GRB2: variants seen among roughly 807,000 people sequenced by gnomAD.
The protein encoded by GRB2 is growth factor receptor-bound protein 2.
Under a neutral mutation model 27.4 loss-of-function variants are expected in GRB2, and 2 were observed. That is an observed-to-expected ratio of 0.07 (90% CI 0.03 to 0.23). GRB2 has a LOEUF of 0.23. GRB2 is among the 10% of genes least tolerant of loss of function. The probability of loss-of-function intolerance (pLI) is 1.00; values close to 1 mark genes in which losing one functional copy is unlikely to be tolerated. For missense variants in GRB2, 102 were observed against 282.4 expected, an observed-to-expected ratio of 0.36 and a Z score of 4.58; for synonymous variants, 94 against 99.6, an observed-to-expected ratio of 0.94 and a Z score of 0.33.
In GRB2 at chr17:75,382,988, C is replaced by T. The variant is rs568052851; in HGVS notation, c.78+10563G>A. ...CCTCCCAAAGTGCTGGGATTACAGG[C>T]GTGAGCCACTGCGCCCAGCCGGCAT... is the stretch of plus-strand genomic sequence containing the variant. On this transcript the variant is annotated intron_variant, in intron 2 of 5. Coordinates refer to ENST00000316804, the MANE Select transcript of GRB2 (RefSeq NM_002086.5). Among the ~76,000 whole-genome samples the T allele has an allele frequency of 1.2e-4, 19 of 152,234 alleles. No individual in the cohort carries two copies. The South Asian group carries it at 1.5e-3, about 12-fold the overall frequency.
Position 75,385,048 on chromosome 17 carries a change from A to AGC in GRB2, c.78+8502_78+8503insGC, listed in dbSNP as rs1257758090. ...CTCTACCAAAAAAAAAAAAAAAAAAAAAAAAAAAAAGCAAACAAACAAACA... is the reference window on the plus strand; with the variant it reads ...CTCTACCAAAAAAAAAAAAAAAAAAAGCAAAAAAAAAAGCAAACAAACAAACA... On this transcript the variant is annotated intron_variant, in intron 2 of 5. Coordinates refer to ENST00000316804, the MANE Select transcript of GRB2 (RefSeq NM_002086.5). 1.9e-3 allele frequency among the ~76,000 whole-genome samples: 164 copies of AGC among 86,958 alleles called. 3 individuals carry two copies. In the South Asian group the frequency reaches 0.033, roughly 18 times the overall value. 57.0% of individuals were successfully genotyped at this position (86,958 alleles called of 152,430 possible).
chr17:75,404,027 C>A (rs909291158), intron 1 of GRB2, among the ~76,000 whole-genome samples: 1 of 151,678 alleles, frequency 6.6e-6, no homozygotes, highest in Non-Finnish European at 1.5e-5. Flanking sequence ...GCAGGAGAAT[C>A]GCTTGAACCC....
intron 2 of GRB2, among the ~76,000 whole-genome samples, chr17:75,334,393 G>A (rs1037525937): frequency 2.6e-5 from 4 of 151,828 alleles, no homozygotes; most frequent in African/African-American, 4.8e-5. Flanking sequence ...GGATGGTCTC[G>A]ATCTCCTGAC....
intron 3 of GRB2, among the ~76,000 whole-genome samples, chr17:75,328,501 G>A (rs1276815345): frequency 6.0e-5 from 9 of 150,752 alleles, no homozygotes; most frequent in East Asian, 2.0e-4. Flanking sequence ...TTAGCAAGGC[G>A]CGGTGGCGCA....
intron 3 of GRB2, among the ~76,000 whole-genome samples, chr17:75,327,073 C>CTTTT (rs66526663): frequency 1.5e-5 from 2 of 135,814 alleles, no homozygotes; most frequent in Non-Finnish European, 1.5e-5. Flanking sequence ...CATATCTTTT[C>CTTTT]TTTTTTTTTT....
chr17:75,393,042 T>C (rs538295875), intron 2 of GRB2, among the ~76,000 whole-genome samples: 2 of 152,334 alleles, frequency 1.3e-5, no homozygotes, highest in South Asian at 4.1e-4. Flanking sequence ...AAAAATACAC[T>C]GAAGTTCTTT....
chr17:75,329,944 C>T (rs946031191), intron 3 of GRB2, among the ~76,000 whole-genome samples: 1 of 152,144 alleles, frequency 6.6e-6, no homozygotes, highest in African/African-American at 2.4e-5. Context: ...ATGATATGTA[C>T]ATGTGACTAC....
intron 4 of GRB2, among the ~76,000 whole-genome samples, chr17:75,324,137 C>CA (rs532095423): frequency 6.0e-4 from 89 of 147,220 alleles, no homozygotes; most frequent in African/African-American, 1.8e-3. Context: ...ATCTACGTTT[C>CA]AAAAAAAAAA....
chr17:75,389,246 A>C (rs1169748976), intron 2 of GRB2, among the ~76,000 whole-genome samples: 1 of 152,030 alleles, frequency 6.6e-6, no homozygotes, highest in Non-Finnish European at 1.5e-5. Context: ...CAAACACAAC[A>C]AGCACAAGTT....
chr17:75,343,374 C>T (rs4300682), intron 2 of GRB2, among the ~76,000 whole-genome samples: 134,774 of 152,140 alleles, frequency 0.89, 60,542 homozygotes, highest in Non-Finnish European at 0.96. Context: ...AGCAACTAGG[C>T]TGATGGAGAA....
At position 75,324,557 on chromosome 17, in the gene GRB2, G is replaced by A. The variant is rs143998098; in HGVS notation, c.299+1341C>T. Among the ~76,000 whole-genome samples the A allele has an allele frequency of 9.5e-4, 107 of 112,804 alleles. 3 individuals are homozygous for A. The East Asian group carries it at 0.03, about 32-fold the overall frequency. 74.0% of individuals were successfully genotyped at this position (112,804 alleles called of 152,430 possible). On this transcript the variant is annotated intron_variant, in intron 4 of 5. Transcript: ENST00000316804. ...TTTTGGAGACAGAGTTTTGCTCTTC[G>A]CCCAGGCTAAAGTGCAATGGCGCCA...
At chr17:75,324,507 G>GTTTTTTTTTTTTTTTT (rs767194304) in intron 4 of GRB2, among the ~76,000 whole-genome samples, 2 of 36,704 alleles carry the variant, frequency 5.4e-5, no homozygotes, top group Non-Finnish European at 1.1e-4. Context: ...ACCGCACCCA[G>GTTTTTTTTTTTTTTTT]TTTTTTTTTT....
chr17:75,401,441 G>A (rs2079063265), intron 1 of GRB2, among the ~76,000 whole-genome samples: 2 of 104,404 alleles, frequency 1.9e-5, no homozygotes, highest in Admixed American at 1.5e-4. Context: ...GACAGAGCGA[G>A]ACTCCGTCTC....
At chr17:75,356,422 C>T (rs962495550) in intron 2 of GRB2, among the ~76,000 whole-genome samples, 14 of 152,192 alleles carry the variant, frequency 9.2e-5, no homozygotes, top group African/African-American at 2.4e-4. Flanking sequence ...GCAGGAGGAT[C>T]GCTTGAGCCC....
At chr17:75,405,164 G>C (rs1396988087) in intron 1 of GRB2, 1 of 152,234 alleles carries the variant, frequency 6.6e-6, no homozygotes, top group Non-Finnish European at 1.5e-5. Flanking sequence ...AGACTGACTC[G>C]GTCGGCGTTC....
At chr17:75,340,682 A>G (rs2078614783) in intron 2 of GRB2, among the ~76,000 whole-genome samples, 1 of 152,212 alleles carries the variant, frequency 6.6e-6, no homozygotes, top group Non-Finnish European at 1.5e-5. Flanking sequence ...AACTTCCCTT[A>G]GTATGGATAA....
At position 75,320,681 on chromosome 17, in the gene GRB2, C is replaced by T. The variant is rs1481200181; in HGVS notation, c.469-128G>A. 1.5e-6 allele frequency: 1 copy of T among 663,012 alleles called. No homozygotes were observed. Among genetic ancestry groups the T allele is most frequent in the African/African-American group, 1.8e-5 (1 of 55,436 alleles). 41.1% of individuals were successfully genotyped at this position (663,012 alleles called of 1,614,324 possible). A position where few individuals can be genotyped will look rare whatever the true frequency, so the allele number is the denominator to read the frequency against. ...TCTCCATGTTTCTTAAACTCACCTC[C>T]CATCTCCCAACCCCCCGTTTATTCT... On this transcript the variant is annotated intron_variant, in intron 5 of 5. Transcript: ENST00000316804. This position sits in a 1 kb window ranked among gnomAD's most constrained non-coding sequence, Gnocchi z 4.3.
At chr17:75,359,162 CAAAAAAAAAAA>C (rs3082676) in intron 2 of GRB2, among the ~76,000 whole-genome samples, 1 of 64,716 alleles carries the variant, frequency 1.5e-5, no homozygotes, top group East Asian at 5.0e-4. Context: ...GACTACATCT[CAAAAAAAAAAA>C]AAAAAAAAAA....
intron 2 of GRB2, among the ~76,000 whole-genome samples, chr17:75,377,591 G>A (rs1427831180): frequency 1.0e-5 from 1 of 95,758 alleles, no homozygotes; most frequent in Non-Finnish European, 1.9e-5. Context: ...GCGAGACCCT[G>A]TCTCAGAAAA....
Sources: gnomAD v4.1 joint callset for allele counts (sites outside exome capture counted in the v4.1 genomes callset) on GRCh38, gnomAD v4.1.1 for gene constraint, Gnocchi (gnomAD v3.1) non-coding constraint, MANE v1.5 for transcripts, NCBI Gene and HGNC (gene_info 2026-07-23, HGNC 2026-07-21) for gene names.